Variants in PCDHGA5 observed in about 807,000 individuals in gnomAD.
PCDHGA5 encodes protocadherin gamma-A5.
In PCDHGA5, 36 loss-of-function variants were observed where a neutral mutation model predicts 56.7. The ratio of observed to expected loss-of-function variants is 0.64; its 90% confidence interval spans 0.49 to 0.84. PCDHGA5 has a LOEUF of 0.84. Ranked by LOEUF, PCDHGA5 falls within the 40% of genes least tolerant of loss-of-function variation. The pLI is 0.00. For missense variants in PCDHGA5, 1,305 were observed against 1,201.5 expected (o/e 1.09, Z -1.27); for synonymous variants, 563 against 520.2 (o/e 1.08, Z -1.12).
chr5:141,431,536 G>T lies in PCDHGA5; in HGVS notation c.2422-63271G>T. Reference sequence around the variant, plus strand: ...TTCCGGAGAATCTGGCCTTGGGCACGCAGCTGCTTGTAGTCAACGCTACCG... The same window carrying T: ...TTCCGGAGAATCTGGCCTTGGGCACTCAGCTGCTTGTAGTCAACGCTACCG... On this transcript the variant is annotated intron_variant, in intron 1 of 3. Coordinates refer to ENST00000518069, the MANE Select transcript of PCDHGA5 (RefSeq NM_018918.3). The surrounding 1 kb of genome is among the most constrained non-coding windows in gnomAD (Gnocchi z 4.8). 6.2e-7 allele frequency: 1 copy of T among 1,614,068 alleles called. No homozygotes were observed. Among genetic ancestry groups the T allele is most frequent in the Non-Finnish European group, 8.5e-7 (1 of 1,180,022 alleles).
intron 1 of PCDHGA5, chr5:141,423,386 G>T: frequency 6.2e-7 from 1 of 1,614,160 alleles, no homozygotes; most frequent in Middle Eastern, 1.7e-4. Flanking sequence ...CTGTGGCGCT[G>T]GCATAAGTCA....
At chr5:141,384,686 A>G (rs1314292313) in intron 1 of PCDHGA5, 1 of 1,613,842 alleles carries the variant, frequency 6.2e-7, no homozygotes, top group African/African-American at 1.3e-5. Context: ...GCGGTGGACA[A>G]AGATTCAGGC....
chr5:141,437,881 G>A (rs1317504695), intron 1 of PCDHGA5, among the ~76,000 whole-genome samples: 4 of 152,026 alleles, frequency 2.6e-5, no homozygotes, highest in Admixed American at 2.6e-4. Flanking sequence ...GGGACTACAG[G>A]CACACGCCAC....
At position 141,431,782 on chromosome 5, in the gene PCDHGA5, C is replaced by A. The variant is rs767269112; in HGVS notation, c.2422-63025C>A. The A allele has an allele frequency of 6.2e-7, 1 of 1,614,082 alleles. No homozygotes were observed. On this transcript the variant is annotated intron_variant, in intron 1 of 3. Transcript: ENST00000518069. This position sits in a 1 kb window ranked among gnomAD's most constrained non-coding sequence, Gnocchi z 4.8. Reference sequence around the variant, plus strand: ...TCCTGATCACTGTTCTGGACGTGAACGACAATGCCCCAGAAGTGGTCCTCA... The same window carrying A: ...TCCTGATCACTGTTCTGGACGTGAAAGACAATGCCCCAGAAGTGGTCCTCA...
chr5:141,377,430 T>C (rs1308051444), intron 1 of PCDHGA5: 1 of 151,886 alleles, frequency 6.6e-6, no homozygotes, highest in Non-Finnish European at 1.5e-5. Context: ...ACTCTGTCTC[T>C]ACCAAAAAGA....
chr5:141,430,235 G>T (rs1020445956), intron 1 of PCDHGA5, among the ~76,000 whole-genome samples: 3 of 128,670 alleles, frequency 2.3e-5, no homozygotes, highest in Non-Finnish European at 4.7e-5. Context: ...GTCAAAAAGA[G>T]AAACTCCTAG....
intron 1 of PCDHGA5, among the ~76,000 whole-genome samples, chr5:141,397,623 T>A (rs2093546552): frequency 6.6e-6 from 1 of 152,242 alleles, no homozygotes; most frequent in South Asian, 2.1e-4. Context: ...TACTTAGTTC[T>A]AGCTAAGAGT....
intron 1 of PCDHGA5, chr5:141,375,214 C>A: frequency 6.2e-7 from 1 of 1,613,928 alleles, no homozygotes. Flanking sequence ...GAGACTCTGG[C>A]CTGAATGGCC....
chr5:141,432,025 G>T lies in PCDHGA5; in HGVS notation c.2422-62782G>T. ...AGGTTCCTAGCTACAACATCACAGT[G>T]ACCGCCACTGACCGGGGAACCCCGC... On this transcript the variant is annotated intron_variant, in intron 1 of 3. Coordinates refer to ENST00000518069, the MANE Select transcript of PCDHGA5 (RefSeq NM_018918.3). The surrounding 1 kb of genome is among the most constrained non-coding windows in gnomAD (Gnocchi z 6.0). The T allele has an allele frequency of 6.2e-7, 1 of 1,614,158 alleles. No homozygotes were observed. The highest frequency in any genetic ancestry group is 1.1e-5 in the South Asian group (1 of 91,058).
At chr5:141,386,430 G>A (rs1257944903) in intron 1 of PCDHGA5, among the ~76,000 whole-genome samples, 2 of 152,116 alleles carry the variant, frequency 1.3e-5, no homozygotes, top group African/African-American at 4.8e-5. Flanking sequence ...TAGCCCACCT[G>A]CATGGGAGGC....
intron 1 of PCDHGA5, chr5:141,423,559 G>T: frequency 6.2e-7 from 1 of 1,613,584 alleles, no homozygotes; most frequent in Non-Finnish European, 8.5e-7. Flanking sequence ...CAACTATGGG[G>T]ACACGCTCAT....
chr5:141,385,097 C>T (rs1296944219), intron 1 of PCDHGA5: 3 of 1,614,192 alleles, frequency 1.9e-6, no homozygotes, highest in East Asian at 2.2e-5. Context: ...GGTGGCTTGG[C>T]GAACGTGCCC....
chr5:141,366,531 G>T lies in PCDHGA5; in HGVS notation c.2201G>T (p.Gly734Val), dbSNP rs756742340. The T allele has an allele frequency of 6.2e-7, 1 of 1,614,152 alleles. No homozygotes were observed. The highest frequency in any genetic ancestry group is 8.5e-7 in the Non-Finnish European group (1 of 1,180,056). Reference sequence around the variant, plus strand: ...CAGGCTGAAGGCAGCAGGTTGGCGGGTGTGCCCGCCTCGCACTTTGTGGGC... The same window carrying T: ...CAGGCTGAAGGCAGCAGGTTGGCGGTTGTGCCCGCCTCGCACTTTGTGGGC... ...LLQAEGSRLAGVPASHFVGVD... is the reference protein window; with the variant it reads ...LLQAEGSRLAVVPASHFVGVD... Residue 734 changes from glycine to valine, a missense_variant, in exon 1 of 4, where the codon GGT (glycine) becomes GTT (valine). Transcript: ENST00000518069.
In PCDHGA5 at chr5:141,366,622, G is replaced by GC. The variant is rs757320555; in HGVS notation, c.2292_2293insC (p.Lys765GlnfsTer17). The GC allele has an allele frequency of 1.3e-5, 21 of 1,614,240 alleles. No individual in the cohort carries two copies. The East Asian group carries it at 4.5e-4, about 34-fold the overall frequency. On this transcript the variant is annotated frameshift_variant, in exon 1 of 4. Coordinates refer to ENST00000518069, the MANE Select transcript of PCDHGA5 (RefSeq NM_018918.3). LOFTEE classifies it high-confidence loss of function. The stretch of plus-strand genomic sequence containing the variant: ...AGGTCTCCCTCACCGCGGACTCGAG[G>GC]AAGAGTCACCTGATCTTTCCCCAGC...
rs749528675 is a variant in PCDHGA5, at chr5:141,490,604, A to G, written c.2422-4203A>G. On this transcript the variant is annotated intron_variant, in intron 1 of 3. Coordinates refer to ENST00000518069, the MANE Select transcript of PCDHGA5 (RefSeq NM_018918.3). This position sits in a 1 kb window ranked among gnomAD's most constrained non-coding sequence, Gnocchi z 5.4. ...GTCAATGACAATGCACCCCGCTTCA[A>G]CCAGCAGCTTTACACTGCTTACATC... is the stretch of plus-strand genomic sequence containing the variant. 13 of 1,614,192 alleles carry G rather than the reference A, an allele frequency of 8.1e-6. No homozygotes were observed. Among genetic ancestry groups the G allele is most frequent in the Non-Finnish European group, 1.1e-5 (13 of 1,180,022 alleles).
chr5:141,419,108 G>C (rs1449189374), intron 1 of PCDHGA5: 2 of 1,613,792 alleles, frequency 1.2e-6, no homozygotes, highest in African/African-American at 1.3e-5. Flanking sequence ...GCAGACCCCA[G>C]AGTACAACGT....
In PCDHGA5 at chr5:141,432,540, T is replaced by C. The variant is rs147884705; in HGVS notation, c.2422-62267T>C. The C allele has an allele frequency of 1.2e-6, 2 of 1,613,726 alleles. No homozygotes were observed. The highest frequency in any genetic ancestry group is 2.2e-5 in the South Asian group (2 of 91,058). On this transcript the variant is annotated intron_variant, in intron 1 of 3. Transcript: ENST00000518069. The surrounding 1 kb of genome is among the most constrained non-coding windows in gnomAD (Gnocchi z 6.0). ...TACCTGGTGACCAAGGTGGTGGCGG[T>C]GGACAGAGACTCCGGCCAGAACGCC...
rs1029080327 is a variant in PCDHGA5 at position 141,512,737 on chromosome 5, G to C, written c.*1564G>C. 6.5e-5 allele frequency: 10 copies of C among 152,868 alleles called. No individual in the cohort carries two copies. The highest frequency in any genetic ancestry group is 2.4e-4 in the African/African-American group (10 of 41,472). 9.5% of individuals were successfully genotyped at this position (152,868 alleles called of 1,614,324 possible). On this transcript the variant is annotated 3_prime_UTR_variant, in exon 4 of 4. Transcript: ENST00000518069. Reference sequence around the variant, plus strand: ...ATGGCGGGTGGGCAGCGGGCGGCGGGCTCCGCGCAGCCGTCTGTCCTTGAT... The same window carrying C: ...ATGGCGGGTGGGCAGCGGGCGGCGGCCTCCGCGCAGCCGTCTGTCCTTGAT...
chr5:141,409,007 C>T, intron 1 of PCDHGA5: 1 of 1,613,932 alleles, frequency 6.2e-7, no homozygotes, highest in Non-Finnish European at 8.5e-7. Context: ...AGCCACTGAC[C>T]AGGATGAGGG....
Sources: allele counts gnomAD v4.1 joint callset (sites outside exome capture counted in the v4.1 genomes callset), GRCh38; gene constraint gnomAD v4.1.1; non-coding constraint Gnocchi (gnomAD v3.1); transcripts MANE v1.5; gene names NCBI Gene and HGNC (gene_info 2026-07-23, HGNC 2026-07-21).